The following DNAJC27 variants were observed in gnomAD, a reference collection of about 807,000 sequenced individuals.
The protein encoded by DNAJC27 is dnaJ homolog subfamily C member 27.
A neutral mutation model predicts 31.4 loss-of-function variants in DNAJC27; 25 were observed. The observed-to-expected ratio is 0.80, with a 90% confidence interval of 0.58 to 1.11. The LOEUF (loss-of-function observed/expected upper bound fraction) is 1.11, where lower values mean the gene tolerates loss of function less well. DNAJC27 is among the 50% of genes most tolerant of loss of function. The pLI is 0.00. For synonymous variants in DNAJC27, 106 were observed against 112.7 expected (o/e 0.94, Z 0.37); for missense variants, 356 against 347.3 (o/e 1.02, Z -0.20).
chr2:24,954,258 A>C (rs796272271), intron 5 of DNAJC27, among the ~76,000 whole-genome samples: 1 of 152,188 alleles, frequency 6.6e-6, no homozygotes, highest in South Asian at 2.1e-4. Context: ...GGTTGAGAAC[A>C]AAACCAATAT....
chr2:24,962,741 A>G (rs879870842), intron 3 of DNAJC27, among the ~76,000 whole-genome samples: 32 of 152,206 alleles, frequency 2.1e-4, no homozygotes, highest in Admixed American at 3.3e-4. Context: ...TCTCAAATCA[A>G]TAATCTAAGA....
chr2:24,971,643 G>A (rs918143242), intron 1 of DNAJC27, 175 bp downstream of exon 1: 7 of 528,384 alleles, frequency 1.3e-5, no homozygotes, highest in African/African-American at 2.0e-5. Context: ...GCAACGGAAA[G>A]GTCAAAAAGG....
chr2:24,950,255 G>A (rs1003733663), intron 6 of DNAJC27, among the ~76,000 whole-genome samples: 2 of 152,072 alleles, frequency 1.3e-5, no homozygotes, highest in African/African-American at 4.8e-5. Context: ...TTGAAGATAC[G>A]CTGTGAGGTC....
intron 6 of DNAJC27, among the ~76,000 whole-genome samples, chr2:24,950,862 A>T (rs1035373801): frequency 1.0e-4 from 15 of 149,388 alleles, no homozygotes; most frequent in African/African-American, 2.7e-4. Context: ...ATAAAAATAA[A>T]AAAAAAAAAT....
At chr2:24,962,604 G>A (rs1311733352) in intron 3 of DNAJC27, among the ~76,000 whole-genome samples, 1 of 152,062 alleles carries the variant, frequency 6.6e-6, no homozygotes, top group African/African-American at 2.4e-5. Context: ...AAAGTCTCAA[G>A]GGAAATTAAA....
intron 3 of DNAJC27, among the ~76,000 whole-genome samples, chr2:24,961,758 G>A (rs140056675): frequency 7.7e-4 from 117 of 152,280 alleles, no homozygotes; most frequent in Middle Eastern, 3.4e-3. Context: ...AATTACTGCA[G>A]TCTCACGATA....
intron 3 of DNAJC27, 86 bp from the exon 4 acceptor site, chr2:24,958,060 G>T (rs1573112689): frequency 2.4e-6 from 3 of 1,230,854 alleles, no homozygotes; most frequent in East Asian, 5.0e-5. Flanking sequence ...GGCAAAGTGT[G>T]TTCTTTTGTG....
intron 3 of DNAJC27, among the ~76,000 whole-genome samples, chr2:24,958,320 G>A (rs1665956717): frequency 6.6e-6 from 1 of 152,156 alleles, no homozygotes; most frequent in Non-Finnish European, 1.5e-5. Flanking sequence ...AGGTGAGTGA[G>A]CAATTCAAAA....
At chr2:24,968,951 AGATTACT>A (rs1274075461) in intron 1 of DNAJC27, 1 of 164,924 alleles carries the variant, frequency 6.1e-6, no homozygotes, top group Non-Finnish European at 1.4e-5. Context: ...CAGAGGCTGT[AGATTACT>A]CACTTCCAAC....
In DNAJC27 at chr2:24,950,096, G is replaced by GA. The variant is rs765039220; in HGVS notation, c.689+1297dup. ...ACAATAAACCAAAGAGTATAGCACTGAAAAAAAAAAAAAGATCCCGATAAA... is the reference window on the plus strand; with the variant it reads ...ACAATAAACCAAAGAGTATAGCACTGAAAAAAAAAAAAAAGATCCCGATAAA... On this transcript the variant is annotated intron_variant, in intron 6 of 6. Transcript: ENST00000264711. 6.4e-3 allele frequency among the ~76,000 whole-genome samples: 847 copies of GA among 131,946 alleles called. 5 individuals carry two copies. The highest frequency in any genetic ancestry group is 0.016 in the African/African-American group (561 of 36,168). 86.6% of individuals were successfully genotyped at this position (131,946 alleles called of 152,430 possible). A position where few individuals can be genotyped will look rare whatever the true frequency, so the allele number is the denominator to read the frequency against.
chr2:24,966,129 G>A (rs1005738160), intron 2 of DNAJC27, among the ~76,000 whole-genome samples: 4 of 152,264 alleles, frequency 2.6e-5, no homozygotes, highest in South Asian at 4.1e-4. Context: ...AAGACCTTAC[G>A]GGAACAGGAG....
chr2:24,952,192 A>T (rs1385154845), intron 5 of DNAJC27, among the ~76,000 whole-genome samples: 2 of 152,194 alleles, frequency 1.3e-5, no homozygotes, highest in East Asian at 3.8e-4. Flanking sequence ...AGAAAAGTGT[A>T]AAATGAAAAC....
rs1308088246 is a variant in DNAJC27, at chr2:24,946,703, T to G, written c.*913A>C. The stretch of plus-strand genomic sequence containing the variant: ...TTTTTTTTTTCTTTAAGAGACAAGA[T>G]CTTACTATGTTGCCCAGGTGGGACT... On this transcript the variant is annotated 3_prime_UTR_variant, in exon 7 of 7. Coordinates refer to ENST00000264711, the MANE Select transcript of DNAJC27 (RefSeq NM_016544.3). 2 of 151,684 alleles carry G rather than the reference T, an allele frequency of 1.3e-5. No homozygotes were observed. Among genetic ancestry groups the G allele is most frequent in the Non-Finnish European group, 2.9e-5 (2 of 67,928 alleles). 9.4% of individuals were successfully genotyped at this position (151,684 alleles called of 1,614,324 possible). A position where few individuals can be genotyped will look rare whatever the true frequency, so the allele number is the denominator to read the frequency against.
rs145509182 is a variant in DNAJC27 at position 24,945,614 on chromosome 2, C to A, written c.*2002G>T. The A allele has an allele frequency of 6.6e-6, 1 of 152,310 alleles. No individual in the cohort carries two copies. The highest frequency in any genetic ancestry group is 2.4e-5 in the African/African-American group (1 of 41,554). The allele number at this position is 152,310 out of a possible 1,614,324, so 9.4% of individuals were successfully genotyped here. ...TGAGTGCTTTCAGCATGATAAAGGC[C>A]TTCCTTAAGCAAAATTTAGGTCCCG... On this transcript the variant is annotated 3_prime_UTR_variant, in exon 7 of 7. Coordinates refer to ENST00000264711, the MANE Select transcript of DNAJC27 (RefSeq NM_016544.3).
At chr2:24,951,181 ACGTAC>A (rs1665766230) in intron 6 of DNAJC27, among the ~76,000 whole-genome samples, 1 of 152,256 alleles carries the variant, frequency 6.6e-6, no homozygotes, top group Admixed American at 6.5e-5. Flanking sequence ...GTATTTATGC[ACGTAC>A]ACGACACAGT....
At chr2:24,967,512 C>T (rs1666218611) in intron 1 of DNAJC27, among the ~76,000 whole-genome samples, 1 of 152,036 alleles carries the variant, frequency 6.6e-6, no homozygotes, top group Non-Finnish European at 1.5e-5. Context: ...ATTAGCCTGG[C>T]CAACATGGCG....
upstream of DNAJC27, chr2:24,972,063 G>A: frequency 3.7e-6 from 2 of 539,812 alleles, no homozygotes; most frequent in Non-Finnish European, 3.1e-6. Flanking sequence ...GGCGCGGGCG[G>A]TTGGGAGCGT....
At chr2:24,972,004 T>G, upstream of DNAJC27, 3 of 862,218 alleles carry the variant, frequency 3.5e-6, no homozygotes, top group Non-Finnish European at 4.9e-6. Context: ...GCTGCTCTCG[T>G]CACCGCCTCG....
chr2:24,959,364 T>C (rs978288400), intron 3 of DNAJC27, among the ~76,000 whole-genome samples: 1 of 152,164 alleles, frequency 6.6e-6, no homozygotes, highest in African/African-American at 2.4e-5. Context: ...ATCAACCACT[T>C]GTACAGTTTC....
Sources: gnomAD v4.1 joint callset for allele counts (sites outside exome capture counted in the v4.1 genomes callset) on GRCh38, gnomAD v4.1.1 for gene constraint, MANE v1.5 for transcripts, NCBI Gene and HGNC (gene_info 2026-07-23, HGNC 2026-07-21) for gene names.